The following ITFG2 variants were observed in gnomAD, a reference collection of about 807,000 sequenced individuals.
The protein encoded by ITFG2 is integrin alpha FG-GAP repeat containing 2, also known as KICSTOR complex protein ITFG2.
A neutral mutation model predicts 54.4 loss-of-function variants in ITFG2; 36 were observed. That is an observed-to-expected ratio of 0.66 (90% confidence interval 0.51 to 0.87). The LOEUF (loss-of-function observed/expected upper bound fraction) is 0.87. ITFG2 is among the 40% of genes least tolerant of loss of function. The pLI is 0.00. For synonymous variants in ITFG2, 211 were observed against 225.4 expected (o/e 0.94, Z 0.57); for missense variants, 524 against 576.7 (o/e 0.91, Z 0.94).
chr12:2,834,655 G>A, upstream of ITFG2: 2 of 1,598,954 alleles, frequency 1.3e-6, no homozygotes, highest in Non-Finnish European at 8.5e-7. Context: ...GTCCTTGGAG[G>A]TGCCGAGCCT....
At chr12:2,827,340 G>T (rs762258695), downstream of ITFG2, 4 of 1,588,232 alleles carry the variant, frequency 2.5e-6, no homozygotes, top group Non-Finnish European at 2.6e-6. This position sits in a 1 kb window ranked among gnomAD's most constrained non-coding sequence, Gnocchi z 4.0. Flanking sequence ...ACCTCAGCCC[G>T]CCACCTGCCT....
intron 1 of ITFG2, 111 bp from the exon 2 acceptor site, chr12:2,817,112 G>A: frequency 1.5e-6 from 1 of 660,258 alleles, no homozygotes; most frequent in Non-Finnish European, 2.7e-6. Context: ...TAAAGTAGAT[G>A]AAGATACAAG....
At chr12:2,859,771 C>A in exon 4 of ITFG2, 1 of 791,182 alleles carries the variant, frequency 1.3e-6, no homozygotes, top group Non-Finnish European at 2.0e-6. Context: ...GTCTTAAAAT[C>A]TATTAAATAT....
chr12:2,829,407 T>C (rs1335519877), downstream of ITFG2, among the ~76,000 whole-genome samples: 2 of 152,248 alleles, frequency 1.3e-5, no homozygotes, highest in Non-Finnish European at 1.5e-5. Context: ...CAATGAATGC[T>C]ATTCTTCAGG....
At chr12:2,829,297 A>G (rs2097987611), downstream of ITFG2, among the ~76,000 whole-genome samples, 1 of 132,448 alleles carries the variant, frequency 7.6e-6, no homozygotes, top group African/African-American at 3.5e-5. Flanking sequence ...ACTTTGGGAC[A>G]TAGACATTTT....
At position 2,821,564 on chromosome 12, in the gene ITFG2, G is replaced by A. The variant is rs775213734; in HGVS notation, c.815G>A (p.Gly272Asp). Residue 272 changes from glycine to aspartate, a missense_variant, in exon 8 of 12, where the codon GGC (glycine) becomes GAC (aspartate). Transcript: ENST00000228799. ...ACAGGCCACGGCACTGAGAGTAGTG[G>A]CTCTGGCCTCTTTGCCCTGTGCACC... is the stretch of plus-strand genomic sequence containing the variant. ...IKQGHGTESSGSGLFALCTLD... is the reference protein window; with the variant it reads ...IKQGHGTESSDSGLFALCTLD... 16 of 1,614,188 alleles carry A rather than the reference G, an allele frequency of 9.9e-6. No homozygotes were observed. Among genetic ancestry groups the A allele is most frequent in the Non-Finnish European group, 1.4e-5 (16 of 1,180,042 alleles).
intron 3 of ITFG2, chr12:2,858,596 C>G (rs780816776): frequency 6.4e-7 from 1 of 1,570,644 alleles, no homozygotes; most frequent in Non-Finnish European, 8.7e-7. Context: ...TTGGAGTGCC[C>G]GGGATGGTGG....
At chr12:2,827,570 G>T, downstream of ITFG2, 1 of 1,613,330 alleles carries the variant, frequency 6.2e-7, no homozygotes, top group African/African-American at 1.3e-5. This position sits in a 1 kb window ranked among gnomAD's most constrained non-coding sequence, Gnocchi z 4.0. Flanking sequence ...CCACACCTGT[G>T]CCTTCTACTA....
chr12:2,854,817 A>AAC, intron 2 of ITFG2: 1 of 1,389,438 alleles, frequency 7.2e-7, no homozygotes, highest in South Asian at 1.4e-5. Context: ...AGTCCCGGTT[A>AAC]GAAACAGGAA....
At chr12:2,832,731 G>C (rs754189560), upstream of ITFG2, among the ~76,000 whole-genome samples, 1 of 149,198 alleles carries the variant, frequency 6.7e-6, no homozygotes, top group Non-Finnish European at 1.5e-5. Flanking sequence ...TTATATCCCA[G>C]GGCATGGCTC....
chr12:2,831,500 C>T (rs2098002625), downstream of ITFG2, among the ~76,000 whole-genome samples: 1 of 152,026 alleles, frequency 6.6e-6, no homozygotes, highest in African/African-American at 2.4e-5. Flanking sequence ...GTGATAGTCA[C>T]CTGAACCTAG....
chr12:2,856,666 A>G (rs1258237417), intron 2 of ITFG2, among the ~76,000 whole-genome samples: 1 of 152,144 alleles, frequency 6.6e-6, no homozygotes, highest in Non-Finnish European at 1.5e-5. Context: ...CCTGGCCCCC[A>G]GGACTTTTCT....
At chr12:2,820,966 G>A (rs1307141644) in intron 6 of ITFG2, 94 bp downstream of exon 6, 6 of 1,357,838 alleles carry the variant, frequency 4.4e-6, no homozygotes, top group Admixed American at 2.0e-5. Flanking sequence ...TCTGCAGTTG[G>A]CAGAGCTGCC....
intron 2 of ITFG2, among the ~76,000 whole-genome samples, chr12:2,847,446 T>C (rs2098056211): frequency 2.0e-5 from 3 of 151,880 alleles, no homozygotes; most frequent in African/African-American, 7.3e-5. Context: ...GGTGGGCGGA[T>C]CACAAGGTCA....
At position 2,841,252 on chromosome 12, in the gene ITFG2, TC is replaced by T. The variant is rs1163785321; in HGVS notation, n.300+260del. ...CTCAGTCACCCTGGCATAGTGCCCA[TC>T]CCACTGAATCTGTTAGGCTGCCAGA... is the stretch of plus-strand genomic sequence containing the variant. On this transcript the variant is annotated intron_variant and non_coding_transcript_variant, in intron 2 of 3. Transcript: ENST00000537710. Among the ~76,000 whole-genome samples, 9 of 152,212 alleles carry T rather than the reference TC, an allele frequency of 5.9e-5. No homozygotes were observed. In the East Asian group the frequency reaches 1.7e-3, roughly 29 times the overall value.
exon 4 of ITFG2, chr12:2,859,645 C>T: frequency 6.2e-7 from 1 of 1,608,628 alleles, no homozygotes; most frequent in Non-Finnish European, 8.5e-7. Flanking sequence ...GGAGCTATCC[C>T]CTCCTCAGCT....
intron 2 of ITFG2, among the ~76,000 whole-genome samples, chr12:2,849,754 T>C (rs1384910280): frequency 1.3e-5 from 2 of 152,214 alleles, no homozygotes; most frequent in Admixed American, 1.3e-4. Flanking sequence ...GTCGTGCAGC[T>C]AGTAAGCCTT....
In ITFG2 at chr12:2,818,164, C is replaced by T. The variant is rs201588528; in HGVS notation, c.293C>T (p.Ala98Val). The change falls in exon 4 of 12, where the codon GCC becomes GTC. Residue 98 changes from alanine (A) to valine (V), a missense_variant. Ala to Val is a moderately conservative substitution (Grantham distance 64, BLOSUM62 0). Coordinates refer to ENST00000228799, the MANE Select transcript of ITFG2 (RefSeq NM_018463.4). ...GWFHLFDLTP[A>V]KVLDASGHHE... The stretch of plus-strand genomic sequence containing the variant: ...TTTCATTTGTTTGACCTGACACCTG[C>T]CAAGGTGTTGGATGCTTCTGGGCAC... 62 of 1,614,122 alleles carry T rather than the reference C, an allele frequency of 3.8e-5. No individual in the cohort carries two copies. The highest frequency in any genetic ancestry group is 5.1e-5 in the Non-Finnish European group (60 of 1,180,028).
In ITFG2 at chr12:2,822,841, A is replaced by G. The variant is rs771005152; in HGVS notation, c.996A>G (p.Thr332=). ...TTGCATGCGCCTGGGATGGACAGAC[A>G]TATATCATTGATCACAACCGCACCG... ...EVVACAWDGQ[T]YIIDHNRTVV... The change falls in exon 10 of 12, where the codon ACA becomes ACG. Residue 332 remains threonine (T), a synonymous_variant. Coordinates refer to ENST00000228799, the MANE Select transcript of ITFG2 (RefSeq NM_018463.4). The G allele has an allele frequency of 8.7e-6, 14 of 1,614,058 alleles. No homozygotes were observed. Among genetic ancestry groups the G allele is most frequent in the South Asian group, 6.6e-5 (6 of 91,088 alleles).
Sources: allele counts gnomAD v4.1 joint callset (sites outside exome capture counted in the v4.1 genomes callset), GRCh38; gene constraint gnomAD v4.1.1; non-coding constraint Gnocchi (gnomAD v3.1); transcripts MANE v1.5; gene names NCBI Gene and HGNC (gene_info 2026-07-23, HGNC 2026-07-21).